CNTN5: variants seen among roughly 807,000 people sequenced by gnomAD.
The protein encoded by CNTN5 is contactin-5.
CNTN5 carries 77 observed loss-of-function variants against 129.1 expected under a neutral mutation model. That is an observed-to-expected ratio of 0.60 (90% CI 0.50 to 0.72). The LOEUF (loss-of-function observed/expected upper bound fraction) is 0.72. Among genes scored for constraint, CNTN5 ranks in the 30% least tolerant of loss-of-function variants. The probability of loss-of-function intolerance (pLI) is 0.00; values close to 1 mark genes in which losing one functional copy is unlikely to be tolerated. For synonymous variants in CNTN5, 509 were observed against 465.6 expected, an observed-to-expected ratio of 1.09 and a Z score of -1.20; for missense variants, 1,478 against 1,328.8, an observed-to-expected ratio of 1.11 and a Z score of -1.75.
At chr11:100,066,840 A>AT (rs1054761442) in intron 10 of CNTN5, among the ~76,000 whole-genome samples, 10 of 151,806 alleles carry the variant, frequency 6.6e-5, no homozygotes, top group African/African-American at 2.4e-4. Flanking sequence ...TGCCAAAAAA[A>AT]AAAAAAAAAA....
intron 15 of CNTN5, among the ~76,000 whole-genome samples, chr11:100,222,150 G>T (rs1319630865): frequency 1.3e-5 from 2 of 152,106 alleles, no homozygotes; most frequent in Non-Finnish European, 2.9e-5. Context: ...GATGTAGATA[G>T]AATCTAAAAG....
chr11:100,345,775 A>T (rs1311923900), intron 23 of CNTN5, among the ~76,000 whole-genome samples: 1 of 152,120 alleles, frequency 6.6e-6, no homozygotes, highest in South Asian at 2.1e-4. Flanking sequence ...GAGATTGTCT[A>T]TGAGATGCTG....
chr11:99,792,340 A>C (rs1473108673), intron 3 of CNTN5, among the ~76,000 whole-genome samples: 2 of 152,124 alleles, frequency 1.3e-5, no homozygotes, highest in Non-Finnish European at 2.9e-5. Flanking sequence ...CCTTTTCTGT[A>C]TCTATTGAGA....
chr11:99,415,570 GA>G (rs1420464537), intron 2 of CNTN5, among the ~76,000 whole-genome samples: 1 of 152,132 alleles, frequency 6.6e-6, no homozygotes, highest in Non-Finnish European at 1.5e-5. Context: ...GGCTGTCTTT[GA>G]CGAAAGGGAG....
At chr11:99,992,441 AT>A (rs1939170379) in intron 8 of CNTN5, among the ~76,000 whole-genome samples, 1 of 152,178 alleles carries the variant, frequency 6.6e-6, no homozygotes, top group African/African-American at 2.4e-5. Flanking sequence ...TTTTTCAGAC[AT>A]TTTAGTCAGT....
intron 1 of CNTN5, among the ~76,000 whole-genome samples, chr11:99,237,986 A>G (rs1171067995): frequency 6.6e-6 from 1 of 152,194 alleles, no homozygotes; most frequent in East Asian, 1.9e-4. Context: ...TATGCTATAT[A>G]ACAGAGCGCT....
At chr11:99,331,545 A>G (rs577410336) in intron 2 of CNTN5, among the ~76,000 whole-genome samples, 243 of 152,236 alleles carry the variant, frequency 1.6e-3, no homozygotes, top group Non-Finnish European at 2.6e-3. Context: ...AGAAAACACA[A>G]TTGTGACAAA....
At chr11:99,369,209 T>TTA (rs1217585403) in intron 2 of CNTN5, among the ~76,000 whole-genome samples, 1 of 75,282 alleles carries the variant, frequency 1.3e-5, no homozygotes. Flanking sequence ...ATAATATATA[T>TTA]TATATATAAT....
At chr11:99,550,779 T>G (rs1343857339) in intron 2 of CNTN5, among the ~76,000 whole-genome samples, 2 of 152,126 alleles carry the variant, frequency 1.3e-5, no homozygotes, top group Non-Finnish European at 2.9e-5. Flanking sequence ...TAGGCTAATC[T>G]CTAGTTTATT....
At chr11:99,513,732 A>AG (rs1291700646) in intron 2 of CNTN5, among the ~76,000 whole-genome samples, 3 of 70,482 alleles carry the variant, frequency 4.3e-5, no homozygotes, top group Admixed American at 1.1e-4. Flanking sequence ...TAATGCTCAG[A>AG]GAAAAAAAAA....
In CNTN5 at chr11:99,959,193, G is replaced by A. The variant is rs116869799; in HGVS notation, c.877+2184G>A. Among the ~76,000 whole-genome samples the A allele has an allele frequency of 4.3e-3, 658 of 152,154 alleles. 2 individuals carry two copies. The highest frequency in any genetic ancestry group is 6.9e-3 in the Non-Finnish European group (471 of 67,978). On this transcript the variant is annotated intron_variant, in intron 8 of 24. Coordinates refer to ENST00000524871, the MANE Select transcript of CNTN5 (RefSeq NM_014361.4). ...TGAGATTCTGAAAGCTACCTGAAAT[G>A]TTTACACCCACCAGGGGTTCATGAT...
chr11:100,224,447 T>C (rs559652842), intron 15 of CNTN5, among the ~76,000 whole-genome samples: 1 of 152,298 alleles, frequency 6.6e-6, no homozygotes, highest in Admixed American at 6.5e-5. Context: ...TAAATATTTT[T>C]AAATATCTTA....
intron 1 of CNTN5, among the ~76,000 whole-genome samples, chr11:99,073,384 T>G (rs929134733): frequency 2.7e-5 from 4 of 148,698 alleles, no homozygotes; most frequent in Non-Finnish European, 4.5e-5. Flanking sequence ...GTTTTTTTTT[T>G]TTTTTTTTTT....
At chr11:100,323,273 G>C (rs972879018) in intron 21 of CNTN5, among the ~76,000 whole-genome samples, 26 of 152,154 alleles carry the variant, frequency 1.7e-4, no homozygotes, top group African/African-American at 6.3e-4. Context: ...TCAGATTGTG[G>C]CTCTTATCCT....
chr11:99,596,199 A>G (rs983956402), intron 3 of CNTN5, among the ~76,000 whole-genome samples: 13 of 152,136 alleles, frequency 8.5e-5, no homozygotes, highest in African/African-American at 2.7e-4. Flanking sequence ...GCTAAAAATT[A>G]CAGAGATCAT....
At chr11:99,253,331 T>C (rs1024944390) in intron 1 of CNTN5, among the ~76,000 whole-genome samples, 1 of 152,116 alleles carries the variant, frequency 6.6e-6, no homozygotes, top group Non-Finnish European at 1.5e-5. Flanking sequence ...TAAATCTCTT[T>C]CCTTATAAAT....
At chr11:99,819,264 T>C (rs78445353) in intron 3 of CNTN5, among the ~76,000 whole-genome samples, 3,429 of 134,002 alleles carry the variant, frequency 0.026, 84 homozygotes, top group South Asian at 0.057. Context: ...CCTTCCCTTC[T>C]GCCATCATTT....
chr11:100,309,805 C>A, intron 21 of CNTN5: 1 of 528,044 alleles, frequency 1.9e-6, no homozygotes, highest in Non-Finnish European at 2.4e-6. Flanking sequence ...GTGCCTCCTC[C>A]AACTGCTGTG....
chr11:99,887,546 A>C (rs189572721), intron 6 of CNTN5, among the ~76,000 whole-genome samples: 116 of 152,346 alleles, frequency 7.6e-4, no homozygotes, highest in Non-Finnish European at 1.5e-3. Flanking sequence ...TGACTCACAC[A>C]ATCACAAGGT....
Sources: gnomAD v4.1 joint callset for allele counts (sites outside exome capture counted in the v4.1 genomes callset) on GRCh38, gnomAD v4.1.1 for gene constraint, MANE v1.5 for transcripts, NCBI Gene and HGNC (gene_info 2026-07-23, HGNC 2026-07-21) for gene names.